Variants in CADM2 observed in about 807,000 individuals in gnomAD.
The protein encoded by CADM2 is cell adhesion molecule 2, also known as immunoglobulin superfamily member 4D.
CADM2 carries 12 observed loss-of-function variants against 49.8 expected under a neutral mutation model. The ratio of observed to expected loss-of-function variants is 0.24; its 90% CI spans 0.15 to 0.39. The LOEUF (loss-of-function observed/expected upper bound fraction) is 0.39. CADM2 is among the 10% of genes least tolerant of loss of function. The pLI is 1.00. For synonymous variants in CADM2, 214 were observed against 175.4 expected, an observed-to-expected ratio of 1.22 and a Z score of -1.74; for missense variants, 378 against 492.3, an observed-to-expected ratio of 0.77 and a Z score of 2.20.
At chr3:85,391,029 T>A (rs1377764773) in intron 1 of CADM2, among the ~76,000 whole-genome samples, 1 of 152,036 alleles carries the variant, frequency 6.6e-6, no homozygotes, top group African/African-American at 2.4e-5. Context: ...GTTTAATTTG[T>A]TTTAATGTAC....
chr3:85,673,788 G>A (rs79282433), intron 1 of CADM2, among the ~76,000 whole-genome samples: 1,615 of 152,184 alleles, frequency 0.011, 31 homozygotes, highest in African/African-American at 0.037. Flanking sequence ...ATATGATGTG[G>A]CATGTGTAGG....
chr3:85,670,859 C>G (rs990128156), intron 1 of CADM2, among the ~76,000 whole-genome samples: 14 of 152,114 alleles, frequency 9.2e-5, no homozygotes, highest in African/African-American at 3.1e-4. Flanking sequence ...TGGCCTTATT[C>G]TTTCTGTATT....
chr3:86,039,653 G>C (rs941601072), intron 8 of CADM2, among the ~76,000 whole-genome samples: 1 of 152,080 alleles, frequency 6.6e-6, no homozygotes, highest in Admixed American at 6.6e-5. Flanking sequence ...ATCCACCTCT[G>C]GGGGGAGGGC....
intron 3 of CADM2, among the ~76,000 whole-genome samples, chr3:85,830,420 A>G (rs1247173877): frequency 6.6e-6 from 1 of 151,966 alleles, no homozygotes; most frequent in Non-Finnish European, 1.5e-5. Context: ...CAATATGGAT[A>G]TTGACCCTTT....
At chr3:85,308,342 A>ACACACACACAC (rs1559771405) in intron 1 of CADM2, among the ~76,000 whole-genome samples, 2 of 130,280 alleles carry the variant, frequency 1.5e-5, no homozygotes, top group Non-Finnish European at 3.3e-5. Flanking sequence ...CACACACACA[A>ACACACACACAC]CACTCCATGT....
At position 85,460,717 on chromosome 3, in the gene CADM2, G is replaced by A. The variant is rs78098041; in HGVS notation, c.62-265805G>A. On this transcript the variant is annotated intron_variant, in intron 1 of 9. Coordinates refer to ENST00000383699, the MANE Select transcript of CADM2 (RefSeq NM_001167675.2). The stretch of plus-strand genomic sequence containing the variant: ...ATGTTTGGAATTATTTTCGTGTGTG[G>A]GTGGGTGGGAGATGTGGTGTGTGTG... 3.9e-4 allele frequency among the ~76,000 whole-genome samples: 57 copies of A among 147,486 alleles called. 3 individuals carry two copies. The East Asian group carries it at 0.012, about 31-fold the overall frequency.
rs577576543 is a variant in CADM2 at position 85,996,007 on chromosome 3, G to A, written c.970+34360G>A. 5.9e-5 allele frequency among the ~76,000 whole-genome samples: 9 copies of A among 151,332 alleles called. No individual in the cohort carries two copies. In the South Asian group the frequency reaches 6.2e-4, roughly 10 times the overall value. On this transcript the variant is annotated intron_variant, in intron 8 of 9. Transcript: ENST00000383699. Reference sequence around the variant, plus strand: ...CGGGAGGCTGAGGCAGGAGAATGGCGTGAACCCAGGAGGCAGAGCTTTCAG... The same window carrying A: ...CGGGAGGCTGAGGCAGGAGAATGGCATGAACCCAGGAGGCAGAGCTTTCAG...
At chr3:86,041,040 T>C (rs1367446646) in intron 8 of CADM2, among the ~76,000 whole-genome samples, 1 of 152,150 alleles carries the variant, frequency 6.6e-6, no homozygotes, top group African/African-American at 2.4e-5. Context: ...CTGAGAGATT[T>C]TGTCACCACC....
chr3:85,147,275 C>CAAAA (rs759888985), intron 1 of CADM2, among the ~76,000 whole-genome samples: 24 of 45,998 alleles, frequency 5.2e-4, no homozygotes, highest in African/African-American at 7.0e-4. Context: ...GACTCTGTCT[C>CAAAA]AAAAAAAAAA....
chr3:85,434,992 A>G (rs1037605888), intron 1 of CADM2, among the ~76,000 whole-genome samples: 2 of 152,024 alleles, frequency 1.3e-5, no homozygotes, highest in Non-Finnish European at 2.9e-5. Context: ...AATCATTTAC[A>G]TGTCTTGATT....
intron 1 of CADM2, among the ~76,000 whole-genome samples, chr3:85,015,696 T>C (rs1277091854): frequency 6.6e-6 from 1 of 152,044 alleles, no homozygotes; most frequent in Non-Finnish European, 1.5e-5. Flanking sequence ...TAAAAGAAAG[T>C]GTTTTGTGGT....
intron 1 of CADM2, among the ~76,000 whole-genome samples, chr3:84,982,535 C>T (rs2032241916): frequency 6.6e-6 from 1 of 150,810 alleles, no homozygotes; most frequent in Non-Finnish European, 1.5e-5. Flanking sequence ...ACAATTTGAG[C>T]TGGAATTTTA....
In CADM2 at chr3:85,217,970, T is replaced by G. The variant is rs79922845; in HGVS notation, c.61+258302T>G. ...ATAACTTTGTTGTATATTTGGATAT[T>G]TGGCCTTTAGCTGTGTATCCATAAA... On this transcript the variant is annotated intron_variant, in intron 1 of 9. Transcript: ENST00000383699. 4.9e-4 allele frequency among the ~76,000 whole-genome samples: 75 copies of G among 152,246 alleles called. No homozygotes were observed. In the East Asian group the frequency reaches 0.014, roughly 29 times the overall value.
At chr3:85,067,854 G>T (rs1170520480) in intron 1 of CADM2, among the ~76,000 whole-genome samples, 1 of 152,102 alleles carries the variant, frequency 6.6e-6, no homozygotes, top group African/African-American at 2.4e-5. Context: ...AAAGGGAGAA[G>T]TGAATAAAAT....
At chr3:85,514,632 A>G (rs924654877) in intron 1 of CADM2, among the ~76,000 whole-genome samples, 2 of 152,108 alleles carry the variant, frequency 1.3e-5, no homozygotes, top group African/African-American at 4.8e-5. Context: ...TTAACAATCC[A>G]ATGATATCTT....
At chr3:85,292,986 T>C (rs1394522364) in intron 1 of CADM2, among the ~76,000 whole-genome samples, 1 of 152,028 alleles carries the variant, frequency 6.6e-6, no homozygotes, top group African/African-American at 2.4e-5. Context: ...CTTCAAAAAA[T>C]TAATGATTCC....
At chr3:85,371,462 G>A (rs1232675507) in intron 1 of CADM2, among the ~76,000 whole-genome samples, 2 of 151,760 alleles carry the variant, frequency 1.3e-5, no homozygotes, top group Non-Finnish European at 2.9e-5. Flanking sequence ...TACCCTAAAA[G>A]TAATAGGTTA....
intron 2 of CADM2, among the ~76,000 whole-genome samples, chr3:85,775,164 G>T (rs1269892946): frequency 6.6e-6 from 1 of 151,648 alleles, no homozygotes; most frequent in Non-Finnish European, 1.5e-5. Flanking sequence ...TGACCATACT[G>T]AGCATCTGTG....
At chr3:85,571,384 A>G (rs749867075) in intron 1 of CADM2, among the ~76,000 whole-genome samples, 16 of 149,096 alleles carry the variant, frequency 1.1e-4, no homozygotes, top group Non-Finnish European at 2.2e-4. Context: ...TGCTTAGGAA[A>G]CCTTGCAATT....
Sources: gnomAD v4.1 joint callset for allele counts (sites outside exome capture counted in the v4.1 genomes callset) on GRCh38, gnomAD v4.1.1 for gene constraint, MANE v1.5 for transcripts, NCBI Gene and HGNC (gene_info 2026-07-23, HGNC 2026-07-21) for gene names.